The following CTNNA3 variants were observed in gnomAD, a reference collection of about 807,000 sequenced individuals.
CTNNA3 encodes the protein catenin alpha-3.
A neutral mutation model predicts 95.7 loss-of-function variants in CTNNA3; 76 were observed. The ratio of observed to expected loss-of-function variants is 0.79; its 90% CI spans 0.66 to 0.96. The LOEUF is 0.96. CTNNA3 is among the 40% of genes least tolerant of loss of function. CTNNA3 has a pLI of 0.00. For synonymous variants in CTNNA3, 431 were observed against 374.4 expected, an observed-to-expected ratio of 1.15 and a Z score of -1.74; for missense variants, 1,191 against 1,089.8, an observed-to-expected ratio of 1.09 and a Z score of -1.31.
intron 15 of CTNNA3, among the ~76,000 whole-genome samples, chr10:66,029,910 A>G (rs2079417172): frequency 6.6e-6 from 1 of 152,210 alleles, no homozygotes; most frequent in Non-Finnish European, 1.5e-5. Flanking sequence ...ACTCATTGTA[A>G]TGAGCAATGT....
chr10:67,144,440 ATCT>A (rs1272680396), intron 7 of CTNNA3, among the ~76,000 whole-genome samples: 2 of 152,064 alleles, frequency 1.3e-5, no homozygotes, highest in South Asian at 2.1e-4. Context: ...CCTAGATGAC[ATCT>A]TCTTCCAACA....
At position 65,913,853 on chromosome 10, in the gene CTNNA3, A is replaced by T. The variant is rs1477645264; in HGVS notation, c.*6477T>A. The T allele has an allele frequency of 6.6e-6, 1 of 152,080 alleles. No homozygotes were observed. Among genetic ancestry groups the T allele is most frequent in the Non-Finnish European group, 1.5e-5 (1 of 67,992 alleles). The allele number at this position is 152,080 out of a possible 1,614,324, so 9.4% of individuals were successfully genotyped here. A position where few individuals can be genotyped will look rare whatever the true frequency, so the allele number is the denominator to read the frequency against. On this transcript the variant is annotated 3_prime_UTR_variant, in exon 18 of 18. Coordinates refer to ENST00000433211, the MANE Select transcript of CTNNA3 (RefSeq NM_013266.4). Reference sequence around the variant, plus strand: ...TGAATACCACAGAGAGGTTCAGGTAATTTACACAGATGGGGAACTGATGTG... The same window carrying T: ...TGAATACCACAGAGAGGTTCAGGTATTTTACACAGATGGGGAACTGATGTG...
At chr10:67,363,638 G>T (rs1843085202) in intron 5 of CTNNA3, among the ~76,000 whole-genome samples, 1 of 151,758 alleles carries the variant, frequency 6.6e-6, no homozygotes, top group Admixed American at 6.6e-5. Context: ...ATAATAAAGG[G>T]AATATCACCA....
At chr10:65,952,575 T>C (rs2077642280) in intron 17 of CTNNA3, among the ~76,000 whole-genome samples, 1 of 152,162 alleles carries the variant, frequency 6.6e-6, no homozygotes, top group Non-Finnish European at 1.5e-5. Context: ...CTGTTTTCTT[T>C]CTGTCTACAA....
intron 12 of CTNNA3, among the ~76,000 whole-genome samples, chr10:66,318,276 A>ATATATATGTGTGTGTG (rs33943741): frequency 2.5e-4 from 34 of 136,658 alleles, no homozygotes; most frequent in South Asian, 1.9e-3. Context: ...ATATATATAT[A>ATATATATGTGTGTGTG]TGTGTGTGTG....
At chr10:65,966,967 A>AT (rs1564546373) in intron 16 of CTNNA3, among the ~76,000 whole-genome samples, 1 of 151,938 alleles carries the variant, frequency 6.6e-6, no homozygotes. Context: ...TAAAATAATT[A>AT]TTTTTTTGAG....
At chr10:65,962,313 C>T (rs1163986976) in intron 17 of CTNNA3, among the ~76,000 whole-genome samples, 3 of 152,168 alleles carry the variant, frequency 2.0e-5, no homozygotes, top group Non-Finnish European at 2.9e-5. Context: ...TTTCCATACT[C>T]ACCGTAACAT....
At chr10:67,234,767 T>C (rs996630105) in intron 5 of CTNNA3, among the ~76,000 whole-genome samples, 5 of 152,064 alleles carry the variant, frequency 3.3e-5, no homozygotes, top group African/African-American at 4.8e-5. Flanking sequence ...GAAAACCCCA[T>C]TGTCTCAGCC....
intron 1 of CTNNA3, among the ~76,000 whole-genome samples, chr10:67,707,247 A>G (rs939358669): frequency 3.3e-5 from 5 of 152,170 alleles, no homozygotes; most frequent in African/African-American, 9.7e-5. Flanking sequence ...TATTACTCAT[A>G]GCAGAAAATC....
At chr10:67,535,253 G>C (rs1004597980) in intron 4 of CTNNA3, among the ~76,000 whole-genome samples, 1 of 152,004 alleles carries the variant, frequency 6.6e-6, no homozygotes, top group African/African-American at 2.4e-5. Flanking sequence ...TTACTCAAAG[G>C]ATGTTCATAT....
chr10:67,410,488 C>T (rs550353660), intron 5 of CTNNA3, among the ~76,000 whole-genome samples: 2 of 152,136 alleles, frequency 1.3e-5, no homozygotes, highest in Admixed American at 6.5e-5. Context: ...TCTGCACAAC[C>T]TGTACATGTA....
intron 7 of CTNNA3, among the ~76,000 whole-genome samples, chr10:66,911,559 A>G (rs182844441): frequency 8.5e-5 from 13 of 152,312 alleles, no homozygotes. Flanking sequence ...GACTTCAAAG[A>G]AGACAGAATG....
chr10:67,060,469 T>C (rs199684269), intron 7 of CTNNA3, among the ~76,000 whole-genome samples: 1 of 152,210 alleles, frequency 6.6e-6, no homozygotes, highest in East Asian at 1.9e-4. Flanking sequence ...ATGTTTCCAA[T>C]TGTGGCAGAA....
chr10:66,944,510 G>A (rs181722335), intron 7 of CTNNA3, among the ~76,000 whole-genome samples: 9 of 152,284 alleles, frequency 5.9e-5, no homozygotes, highest in African/African-American at 2.2e-4. Context: ...TAATGTTGAT[G>A]TTTTGACTTC....
At chr10:66,804,123 G>A (rs1564693859) in intron 7 of CTNNA3, among the ~76,000 whole-genome samples, 1 of 151,676 alleles carries the variant, frequency 6.6e-6, no homozygotes, top group Non-Finnish European at 1.5e-5. Context: ...TACTATAATT[G>A]GCTCTGTGTA....
At chr10:66,640,523 T>C (rs902087973) in intron 9 of CTNNA3, among the ~76,000 whole-genome samples, 1 of 152,096 alleles carries the variant, frequency 6.6e-6, no homozygotes, top group African/African-American at 2.4e-5. Flanking sequence ...TCTACCCAAT[T>C]CTACCTTTCT....
At chr10:67,415,541 A>C (rs1262274849) in intron 5 of CTNNA3, among the ~76,000 whole-genome samples, 1 of 152,226 alleles carries the variant, frequency 6.6e-6, no homozygotes, top group Non-Finnish European at 1.5e-5. Flanking sequence ...CATGAATTGA[A>C]AGAATCAATA....
At chr10:66,432,639 T>A (rs1348049322) in intron 11 of CTNNA3, among the ~76,000 whole-genome samples, 8 of 143,474 alleles carry the variant, frequency 5.6e-5, no homozygotes, top group Middle Eastern at 3.4e-3. Context: ...CCAGCCTGGG[T>A]GACAGAGCGA....
At chr10:66,171,453 G>A (rs1205665306) in intron 13 of CTNNA3, among the ~76,000 whole-genome samples, 1 of 151,526 alleles carries the variant, frequency 6.6e-6, no homozygotes, top group African/African-American at 2.4e-5. Context: ...GGCTGAGGCA[G>A]GAGAATTGCT....
Sources: allele counts gnomAD v4.1 joint callset (sites outside exome capture counted in the v4.1 genomes callset), GRCh38; gene constraint gnomAD v4.1.1; transcripts MANE v1.5; gene names NCBI Gene and HGNC (gene_info 2026-07-23, HGNC 2026-07-21).